PRELID2: variants seen among roughly 807,000 people sequenced by gnomAD.
PRELID2 encodes the protein PRELI domain-containing protein 2.
A neutral mutation model predicts 28.4 loss-of-function variants in PRELID2; 25 were observed. The ratio of observed to expected loss-of-function variants is 0.88; its 90% CI spans 0.64 to 1.23. PRELID2 has a LOEUF of 1.23. PRELID2 is among the 50% of genes most tolerant of loss of function. The probability of loss-of-function intolerance (pLI) is 0.00; values close to 1 mark genes in which losing one functional copy is unlikely to be tolerated. For synonymous variants in PRELID2, 76 were observed against 71.6 expected (o/e 1.06, Z -0.31); for missense variants, 201 against 214.4 (o/e 0.94, Z 0.39).
chr5:145,420,455 G>C, the PRELID2 span, among the ~76,000 whole-genome samples: 2 of 149,542 alleles, frequency 1.3e-5, no homozygotes, highest in African/African-American at 2.5e-5. Flanking sequence ...CACATCCCTT[G>C]TAAGTTGGAT....
chr5:145,235,952 A>G, the PRELID2 span, among the ~76,000 whole-genome samples: 1 of 152,130 alleles, frequency 6.6e-6, no homozygotes, highest in Non-Finnish European at 1.5e-5. Flanking sequence ...TGGTCTAATT[A>G]GATCATGCTA....
intron 4 of PRELID2, among the ~76,000 whole-genome samples, chr5:145,817,198 A>AAAAAAAATATATATATAT (rs1365517052): frequency 2.0e-4 from 14 of 70,048 alleles, no homozygotes; most frequent in Non-Finnish European, 2.9e-4. Context: ...TTCAAAAAAA[A>AAAAAAAATATATATATAT]ATAAATAAAT....
chr5:145,333,953 G>A, the PRELID2 span, among the ~76,000 whole-genome samples: 29 of 152,118 alleles, frequency 1.9e-4, no homozygotes, highest in South Asian at 6.2e-4. Context: ...TGCAAAGACC[G>A]TGGGAAAATT....
intron 1 of PRELID2, among the ~76,000 whole-genome samples, chr5:145,634,727 CA>C (rs1360389144): frequency 1.3e-5 from 2 of 152,200 alleles, no homozygotes; most frequent in African/African-American, 4.8e-5. Context: ...ACTAGAAACT[CA>C]TCAGCTTTAT....
chr5:145,543,265 C>T (rs1752759844), intron 1 of PRELID2, among the ~76,000 whole-genome samples: 1 of 152,120 alleles, frequency 6.6e-6, no homozygotes, highest in Non-Finnish European at 1.5e-5. Context: ...CCAGTGCCTG[C>T]CATATTGCCA....
At chr5:145,276,881 A>G in the PRELID2 span, among the ~76,000 whole-genome samples, 4 of 152,310 alleles carry the variant, frequency 2.6e-5, no homozygotes, top group South Asian at 8.3e-4. Context: ...TCTGCAGGAC[A>G]ATGGTTATTT....
intron 1 of PRELID2, among the ~76,000 whole-genome samples, chr5:145,600,503 G>A (rs942215823): frequency 6.7e-6 from 1 of 150,070 alleles, no homozygotes; most frequent in Admixed American, 6.6e-5. Context: ...CCAGTAGCAA[G>A]GTAGAAAAAC....
intron 1 of PRELID2, among the ~76,000 whole-genome samples, chr5:145,669,554 C>G (rs1754664991): frequency 1.3e-5 from 2 of 152,122 alleles, no homozygotes; most frequent in Non-Finnish European, 2.9e-5. Context: ...ACCTTCCAGT[C>G]TGTTTCTCAT....
chr5:145,655,303 T>C (rs1366249080), intron 1 of PRELID2, among the ~76,000 whole-genome samples: 2 of 152,034 alleles, frequency 1.3e-5, no homozygotes, highest in East Asian at 1.9e-4. Flanking sequence ...AGAATCAATA[T>C]CATGAAAATG....
chr5:145,270,664 C>G, the PRELID2 span, among the ~76,000 whole-genome samples: 1 of 151,960 alleles, frequency 6.6e-6, no homozygotes, highest in African/African-American at 2.4e-5. Context: ...AAACTGTTTT[C>G]TAGGGGCATA....
At chr5:145,284,049 T>G in the PRELID2 span, among the ~76,000 whole-genome samples, 3 of 152,188 alleles carry the variant, frequency 2.0e-5, no homozygotes, top group African/African-American at 4.8e-5. Flanking sequence ...TACTGTTTTC[T>G]AGGTGCTTGA....
rs191338167 is a variant in PRELID2 at position 145,484,590 on chromosome 5, C to T, written n.71-11275G>A. Among the ~76,000 whole-genome samples the T allele has an allele frequency of 3.0e-3, 255 of 85,740 alleles. 1 individual carries two copies. The highest frequency in any genetic ancestry group is 1.0e-2 in the African/African-American group (238 of 23,830). 56.2% of individuals were successfully genotyped at this position (85,740 alleles called of 152,430 possible). On this transcript the variant is annotated intron_variant and non_coding_transcript_variant, in intron 1 of 2. Transcript: ENST00000510259. The stretch of plus-strand genomic sequence containing the variant: ...GAAAGGAGAAAGCATTTCATTGGCT[C>T]ATTTTAAAACAGAGTATAAGATCTT...
At chr5:145,439,482 C>T in the PRELID2 span, among the ~76,000 whole-genome samples, 1 of 152,044 alleles carries the variant, frequency 6.6e-6, no homozygotes, top group African/African-American at 2.4e-5. Context: ...GTCTGCTTTA[C>T]AGGAGATTCA....
At chr5:145,658,631 G>A (rs1271436014) in intron 1 of PRELID2, among the ~76,000 whole-genome samples, 3 of 152,106 alleles carry the variant, frequency 2.0e-5, no homozygotes, top group Non-Finnish European at 4.4e-5. Context: ...CTCGCCACGG[G>A]ATATGTCAGC....
At chr5:145,418,901 C>A in the PRELID2 span, among the ~76,000 whole-genome samples, 2 of 147,472 alleles carry the variant, frequency 1.4e-5, no homozygotes, top group Non-Finnish European at 3.0e-5. Flanking sequence ...CACAACAGTC[C>A]CCAGAGTGTG....
intron 1 of PRELID2, among the ~76,000 whole-genome samples, chr5:145,506,064 G>T (rs1220844082): frequency 6.6e-6 from 1 of 152,116 alleles, no homozygotes; most frequent in Non-Finnish European, 1.5e-5. Flanking sequence ...AGATAACAAT[G>T]CTATGTTGCA....
At chr5:145,497,030 T>G (rs1368180300) in intron 1 of PRELID2, among the ~76,000 whole-genome samples, 1 of 151,484 alleles carries the variant, frequency 6.6e-6, no homozygotes, top group Non-Finnish European at 1.5e-5. Flanking sequence ...GCTCAGTTAT[T>G]TGTTTTTAAT....
intron 5 of PRELID2, among the ~76,000 whole-genome samples, chr5:145,794,387 C>A (rs895529011): frequency 2.6e-5 from 4 of 152,156 alleles, no homozygotes; most frequent in Non-Finnish European, 5.9e-5. Flanking sequence ...AAGACCACAA[C>A]ACAAATTCAT....
At chr5:145,540,120 C>T (rs1752733544) in intron 1 of PRELID2, among the ~76,000 whole-genome samples, 1 of 151,922 alleles carries the variant, frequency 6.6e-6, no homozygotes, top group Admixed American at 6.6e-5. Context: ...TGCATCTCAA[C>T]CCTAACCCTT....
Sources: gnomAD v4.1 joint callset for allele counts (sites outside exome capture counted in the v4.1 genomes callset) on GRCh38, gnomAD v4.1.1 for gene constraint, MANE v1.5 for transcripts, NCBI Gene and HGNC (gene_info 2026-07-23, HGNC 2026-07-21) for gene names.